NEK10: variants seen among roughly 807,000 people sequenced by gnomAD.
NEK10 encodes NIMA related kinase 10.
NEK10 carries 122 observed loss-of-function variants against 159.8 expected under a neutral mutation model. The observed-to-expected ratio is 0.76, with a 90% CI of 0.66 to 0.89. NEK10 has a LOEUF of 0.89. Among genes scored for constraint, NEK10 ranks in the 40% least tolerant of loss-of-function variants. The pLI, the probability that NEK10 is intolerant of heterozygous loss-of-function variation, is 0.00. For missense variants in NEK10, 1,342 were observed against 1,323.1 expected, an observed-to-expected ratio of 1.01 and a Z score of -0.22; for synonymous variants, 466 against 457.1, an observed-to-expected ratio of 1.02 and a Z score of -0.25.
At chr3:27,233,436 C>A (rs1337398260) in intron 23 of NEK10, among the ~76,000 whole-genome samples, 1 of 151,892 alleles carries the variant, frequency 6.6e-6, no homozygotes, top group Non-Finnish European at 1.5e-5. Flanking sequence ...GAAAAAGGAA[C>A]ATTTTTACAC....
chr3:27,178,767 G>A (rs1436794523), intron 26 of NEK10, among the ~76,000 whole-genome samples: 1 of 152,198 alleles, frequency 6.6e-6, no homozygotes, highest in Non-Finnish European at 1.5e-5. Context: ...ATAGCTGAGT[G>A]AACTGCTCAC....
intron 21 of NEK10, 48 bp from the exon 22 acceptor site, chr3:27,284,752 A>G: frequency 2.0e-6 from 3 of 1,523,658 alleles, no homozygotes; most frequent in Non-Finnish European, 2.7e-6. Flanking sequence ...CAACATACAT[A>G]TAGCCAAAGA....
Position 27,291,358 on chromosome 3 carries a change from A to C in NEK10, c.1509T>G (p.Ile503Met). ...GAGCTTTGTTCTGATTAATGCTTTC[A>C]ATATTTTCAGCAATTTGCTTCAGTT... ...EDELKQIAENIESINQNKAPL... is the reference protein window; with the variant it reads ...EDELKQIAENMESINQNKAPL... Residue 503 changes from isoleucine to methionine, a missense_variant, in exon 18 of 36, where the codon ATT (isoleucine) becomes ATG (methionine). Physicochemically the swap from Ile to Met is conservative, Grantham distance 10. Transcript: ENST00000691995. The C allele has an allele frequency of 1.2e-6, 2 of 1,612,294 alleles. No individual in the cohort carries two copies. Among genetic ancestry groups the C allele is most frequent in the Non-Finnish European group, 1.7e-6 (2 of 1,179,016 alleles).
At position 27,192,386 on chromosome 3, in the gene NEK10, C is replaced by T. The variant is rs1575174589; in HGVS notation, c.2292-144G>A. On this transcript the variant is annotated intron_variant, in intron 25 of 35. Coordinates refer to ENST00000691995, the MANE Select transcript of NEK10 (RefSeq NM_001394966.1). ...CCTGGGATAAGATGGATATCAAGCA[C>T]AGCTTTGAGTCCAAGACTTCTCAAA... 1.1e-5 allele frequency: 7 copies of T among 642,964 alleles called. No individual in the cohort carries two copies. The East Asian group carries it at 1.9e-4, about 17-fold the overall frequency. 39.8% of individuals were successfully genotyped at this position (642,964 alleles called of 1,614,324 possible). A position where few individuals can be genotyped will look rare whatever the true frequency, so the allele number is the denominator to read the frequency against.
At chr3:27,353,057 G>A (rs1190389014) in intron 1 of NEK10, 138 bp from the exon 2 acceptor site, 9 of 584,010 alleles carry the variant, frequency 1.5e-5, no homozygotes, top group Non-Finnish European at 2.7e-5. Context: ...AATAATAAAA[G>A]TGTTAATATG....
In NEK10 at chr3:27,352,544, C is replaced by A. The variant is rs777429395; in HGVS notation, c.72-19G>T. 9.5e-6 allele frequency: 15 copies of A among 1,575,058 alleles called. No individual in the cohort carries two copies. The highest frequency in any genetic ancestry group is 1.0e-5 in the Non-Finnish European group (12 of 1,145,024). On this transcript the variant is annotated intron_variant, in intron 2 of 35. Coordinates refer to ENST00000691995, the MANE Select transcript of NEK10 (RefSeq NM_001394966.1). ...ATAGTCCCTAGGAGAGAGAATAACA[C>A]AATGTGAACCCACAGAAGGCTCCAG...
chr3:27,208,086 A>C (rs556238691), intron 23 of NEK10, among the ~76,000 whole-genome samples: 1 of 152,234 alleles, frequency 6.6e-6, no homozygotes, highest in African/African-American at 2.4e-5. Context: ...GTTTGTGTGC[A>C]TGTCCATGGA....
intron 1 of NEK10, among the ~76,000 whole-genome samples, chr3:27,358,109 G>A (rs1416142281): frequency 2.0e-5 from 3 of 152,190 alleles, no homozygotes; most frequent in African/African-American, 7.2e-5. Flanking sequence ...TGTAAAATAA[G>A]TGTTAAGAGA....
intron 23 of NEK10, among the ~76,000 whole-genome samples, chr3:27,211,023 G>A (rs2149095381): frequency 6.6e-6 from 1 of 152,318 alleles, no homozygotes; most frequent in Admixed American, 6.5e-5. Flanking sequence ...AAAAGCAGAA[G>A]AGACTGACAC....
chr3:27,289,552 G>T (rs763189874), intron 19 of NEK10, among the ~76,000 whole-genome samples: 8 of 152,208 alleles, frequency 5.3e-5, no homozygotes, highest in Non-Finnish European at 1.2e-4. Flanking sequence ...CAAGTGGCCA[G>T]CAGATCGTAA....
intron 29 of NEK10, among the ~76,000 whole-genome samples, chr3:27,169,380 T>C (rs539958437): frequency 6.6e-6 from 1 of 152,272 alleles, no homozygotes; most frequent in East Asian, 1.9e-4. Context: ...TTCTTTCCCC[T>C]GCCCTCCCCA....
At chr3:27,250,481 C>T (rs1266677405) in intron 23 of NEK10, among the ~76,000 whole-genome samples, 1 of 152,118 alleles carries the variant, frequency 6.6e-6, no homozygotes, top group East Asian at 1.9e-4. Flanking sequence ...CCACTGTGCC[C>T]AGCCTGTGTA....
chr3:27,286,362 A>C (rs1297483989), intron 20 of NEK10, among the ~76,000 whole-genome samples: 1 of 150,886 alleles, frequency 6.6e-6, no homozygotes, highest in Non-Finnish European at 1.5e-5. Flanking sequence ...GTGGGATTAC[A>C]AGTGTGAGCC....
At chr3:27,214,657 C>T (rs1056312988) in intron 23 of NEK10, among the ~76,000 whole-genome samples, 3 of 151,910 alleles carry the variant, frequency 2.0e-5, no homozygotes, top group African/African-American at 4.8e-5. Context: ...AATACATAAC[C>T]AGGTGCTGGA....
chr3:27,190,500 T>C (rs1018701729), intron 26 of NEK10, among the ~76,000 whole-genome samples: 1 of 152,172 alleles, frequency 6.6e-6, no homozygotes, highest in Non-Finnish European at 1.5e-5. Flanking sequence ...TAAAGAATTT[T>C]TTAAGCTGAG....
intron 25 of NEK10, chr3:27,194,648 G>A (rs978097253): frequency 3.9e-5 from 6 of 152,154 alleles, no homozygotes; most frequent in African/African-American, 1.4e-4. Context: ...ATTGAAAGGG[G>A]TGAAAAATAT....
intron 22 of NEK10, among the ~76,000 whole-genome samples, chr3:27,279,945 G>A (rs1028057568): frequency 2.0e-5 from 3 of 152,002 alleles, no homozygotes; most frequent in South Asian, 4.1e-4. Flanking sequence ...CGAGGCGGGC[G>A]GATCATGAGG....
At chr3:27,257,047 C>G (rs28610517) in intron 22 of NEK10, among the ~76,000 whole-genome samples, 1 of 151,746 alleles carries the variant, frequency 6.6e-6, no homozygotes. Context: ...TCCCAAGTAG[C>G]TGGGATTACA....
chr3:27,158,329 A>G (rs1200384543), intron 30 of NEK10, among the ~76,000 whole-genome samples: 1 of 152,194 alleles, frequency 6.6e-6, no homozygotes, highest in Non-Finnish European at 1.5e-5. Context: ...AACATAATAA[A>G]AGAAGGTATG....
Sources: gnomAD v4.1 joint callset for allele counts (sites outside exome capture counted in the v4.1 genomes callset) on GRCh38, gnomAD v4.1.1 for gene constraint, MANE v1.5 for transcripts, NCBI Gene and HGNC (gene_info 2026-07-23, HGNC 2026-07-21) for gene names.